The following FXYD6 variants were observed in gnomAD, a reference collection of about 807,000 sequenced individuals.
FXYD6 encodes the protein FXYD domain-containing ion transport regulator 6.
FXYD6 carries 7 observed loss-of-function variants against 16.7 expected under a neutral mutation model. The ratio of observed to expected loss-of-function variants is 0.42; its 90% CI spans 0.24 to 0.79. The LOEUF is 0.79. Among genes scored for constraint, FXYD6 ranks in the 30% least tolerant of loss-of-function variants. The pLI is 0.28. For missense variants in FXYD6, 111 were observed against 116.2 expected (o/e 0.95, Z 0.21); for synonymous variants, 49 against 43.0 (o/e 1.14, Z -0.54).
At chr11:117,868,191 C>T (rs963553127) in intron 1 of FXYD6, among the ~76,000 whole-genome samples, 3 of 152,228 alleles carry the variant, frequency 2.0e-5, no homozygotes, top group East Asian at 1.9e-4. Context: ...ATGGTGAGGA[C>T]GGCCGAAAGT....
chr11:117,859,858 C>T (rs1194061845), intron 1 of FXYD6, among the ~76,000 whole-genome samples: 1 of 152,146 alleles, frequency 6.6e-6, no homozygotes, highest in Non-Finnish European at 1.5e-5. Flanking sequence ...TGTTTTCATC[C>T]TTAGTCTGGT....
rs2134122891 is a variant in FXYD6 at position 117,837,025 on chromosome 11, GGATAGATCAC to G, written c.*1264_*1273del. On this transcript the variant is annotated 3_prime_UTR_variant, in exon 8 of 8. Coordinates refer to ENST00000526014, the MANE Select transcript of FXYD6 (RefSeq NM_022003.4). The surrounding 1 kb of genome is among the most constrained non-coding windows in gnomAD (Gnocchi z 4.4). ...TATTCCTTTTTTCTGTTGTTGTTGA[GGATAGATCAC>G]GATACAGAGAACAGCAATGGGTCAC... 1 of 152,356 alleles carries G rather than the reference GGATAGATCAC, an allele frequency of 6.6e-6. No individual in the cohort carries two copies. Among genetic ancestry groups the G allele is most frequent in the East Asian group, 1.9e-4 (1 of 5,192 alleles). The allele number at this position is 152,356 out of a possible 1,614,324, so 9.4% of individuals were successfully genotyped here.
intron 1 of FXYD6, among the ~76,000 whole-genome samples, chr11:117,861,286 G>C (rs565046849): frequency 6.6e-6 from 1 of 152,326 alleles, no homozygotes; most frequent in South Asian, 2.1e-4. Flanking sequence ...AGACATGGTA[G>C]GAAAGACCTC....
intron 1 of FXYD6, among the ~76,000 whole-genome samples, chr11:117,869,712 T>G (rs1403092182): frequency 1.3e-5 from 2 of 152,184 alleles, no homozygotes; most frequent in East Asian, 3.8e-4. Context: ...AGAAAATAAC[T>G]GACTGTGAAA....
chr11:117,841,257 T>G, intron 4 of FXYD6, 73 bp from the exon 5 acceptor site: 1 of 1,605,436 alleles, frequency 6.2e-7, no homozygotes, highest in Non-Finnish European at 8.5e-7. Context: ...CTGTGCAGGT[T>G]GTGGGACTAT....
At chr11:117,845,080 G>T (rs73593314) in intron 1 of FXYD6, among the ~76,000 whole-genome samples, 3 of 152,104 alleles carry the variant, frequency 2.0e-5, no homozygotes, top group Non-Finnish European at 4.4e-5. Flanking sequence ...TTATGCATTC[G>T]TCACCAATCT....
At chr11:117,848,712 T>C (rs1001415300) in intron 1 of FXYD6, among the ~76,000 whole-genome samples, 2 of 152,236 alleles carry the variant, frequency 1.3e-5, no homozygotes. Context: ...TTAATGGTTA[T>C]GGCACTCTCC....
chr11:117,848,398 T>A (rs1591561289), intron 1 of FXYD6, among the ~76,000 whole-genome samples: 1 of 23,818 alleles, frequency 4.2e-5, no homozygotes, highest in African/African-American at 8.8e-5. Context: ...ATGAAACCAA[T>A]TTTTTTTTTT....
intron 1 of FXYD6, among the ~76,000 whole-genome samples, chr11:117,847,769 G>C (rs1349483744): frequency 6.6e-6 from 1 of 152,102 alleles, no homozygotes; most frequent in Non-Finnish European, 1.5e-5. Flanking sequence ...TATCATTGTT[G>C]GATATTTGGG....
Position 117,872,939 on chromosome 11 carries a change from AG to A in FXYD6, c.-6+3652del, listed in dbSNP as rs2057171235. Among the ~76,000 whole-genome samples the A allele has an allele frequency of 6.6e-6, 1 of 152,146 alleles. No homozygotes were observed. The highest frequency in any genetic ancestry group is 1.5e-5 in the Non-Finnish European group (1 of 68,028). On this transcript the variant is annotated intron_variant, in intron 1 of 7. Transcript: ENST00000526014. This position sits in a 1 kb window ranked among gnomAD's most constrained non-coding sequence, Gnocchi z 4.9. Reference sequence around the variant, plus strand: ...TCTCGTTGCAACTCTCCAGCTGGCCAGGGGTTCTCCCTGCAGAAGATTTCAT... The same window carrying A: ...TCTCGTTGCAACTCTCCAGCTGGCCAGGGTTCTCCCTGCAGAAGATTTCAT...
intron 1 of FXYD6, among the ~76,000 whole-genome samples, chr11:117,866,087 T>C (rs1373575619): frequency 6.6e-6 from 1 of 151,084 alleles, no homozygotes; most frequent in South Asian, 2.1e-4. Context: ...GCACGTAGAG[T>C]AGTCAAAATC....
chr11:117,866,417 C>T (rs2057015536), intron 1 of FXYD6, among the ~76,000 whole-genome samples: 2 of 152,134 alleles, frequency 1.3e-5, no homozygotes, highest in African/African-American at 4.8e-5. Context: ...GGTGTTCTTA[C>T]CCAGGCCAAG....
Position 117,842,785 on chromosome 11 carries a change from G to A in FXYD6, c.-5-4C>T. On this transcript the variant is annotated splice_polypyrimidine_tract_variant and splice_region_variant and intron_variant, in intron 1 of 7. Coordinates refer to ENST00000526014, the MANE Select transcript of FXYD6 (RefSeq NM_022003.4). ...ACCAGCACCAACTCCATGGCGTCTG[G>A]GGACAGAGGGAGGAAAAAATGATTC... The A allele has an allele frequency of 2.6e-6, 4 of 1,559,060 alleles. No individual in the cohort carries two copies. Among genetic ancestry groups the A allele is most frequent in the Non-Finnish European group, 3.5e-6 (4 of 1,150,852 alleles).
At position 117,872,211 on chromosome 11, in the gene FXYD6, G is replaced by C. The variant is rs959027240; in HGVS notation, c.-6+4381C>G. Among the ~76,000 whole-genome samples the C allele has an allele frequency of 6.6e-6, 1 of 152,310 alleles. No homozygotes were observed. Among genetic ancestry groups the C allele is most frequent in the East Asian group, 1.9e-4 (1 of 5,184 alleles). On this transcript the variant is annotated intron_variant, in intron 1 of 7. Coordinates refer to ENST00000526014, the MANE Select transcript of FXYD6 (RefSeq NM_022003.4). The surrounding 1 kb of genome is among the most constrained non-coding windows in gnomAD (Gnocchi z 4.9). ...CTTCGGGAGAGGTGACAGGGCGTGT[G>C]AGAATGTGTGAGCCACTGCCTCCCT... is the stretch of plus-strand genomic sequence containing the variant.
chr11:117,841,126 G>A, intron 5 of FXYD6, 22 bp downstream of exon 5: 1 of 1,613,868 alleles, frequency 6.2e-7, no homozygotes, highest in South Asian at 1.1e-5. Flanking sequence ...CCCCCCCAAG[G>A]CCACTGCCAC....
At chr11:117,865,871 G>A (rs551226275) in intron 1 of FXYD6, among the ~76,000 whole-genome samples, 14 of 151,750 alleles carry the variant, frequency 9.2e-5, no homozygotes, top group African/African-American at 3.4e-4. Context: ...AGGTTGCAGT[G>A]AGATCGTGCC....
chr11:117,850,040 A>G (rs116493532), intron 1 of FXYD6, among the ~76,000 whole-genome samples: 1 of 152,210 alleles, frequency 6.6e-6, no homozygotes, highest in Non-Finnish European at 1.5e-5. Flanking sequence ...GAATGCCACA[A>G]ACCCTGACTA....
intron 1 of FXYD6, among the ~76,000 whole-genome samples, chr11:117,862,174 A>C (rs908673608): frequency 6.6e-6 from 1 of 152,260 alleles, no homozygotes; most frequent in Non-Finnish European, 1.5e-5. Flanking sequence ...CCCAGGGGCC[A>C]AGTCCCCGCA....
chr11:117,848,291 G>A (rs751405469), intron 1 of FXYD6, among the ~76,000 whole-genome samples: 6 of 152,064 alleles, frequency 3.9e-5, no homozygotes, highest in African/African-American at 7.2e-5. Flanking sequence ...AATTATGAAC[G>A]AGTGTTCTAT....
Sources: allele counts gnomAD v4.1 joint callset (sites outside exome capture counted in the v4.1 genomes callset), GRCh38; gene constraint gnomAD v4.1.1; non-coding constraint Gnocchi (gnomAD v3.1); transcripts MANE v1.5; gene names NCBI Gene and HGNC (gene_info 2026-07-23, HGNC 2026-07-21).